CCDC7: variants seen among roughly 807,000 people sequenced by gnomAD.
The protein encoded by CCDC7 is coiled-coil domain-containing protein 7.
A neutral mutation model predicts 196.9 loss-of-function variants in CCDC7; 183 were observed. That is an observed-to-expected ratio of 0.93 (90% CI 0.82 to 1.05). The LOEUF is 1.05. CCDC7 is among the 50% of genes least tolerant of loss of function. The pLI is 0.00. For synonymous variants in CCDC7, 525 were observed against 484.6 expected (o/e 1.08, Z -1.10); for missense variants, 1,540 against 1,482.2 (o/e 1.04, Z -0.64).
intron 18 of CCDC7, among the ~76,000 whole-genome samples, chr10:32,596,898 G>A (rs1226138557): frequency 2.6e-5 from 4 of 152,216 alleles, no homozygotes; most frequent in Non-Finnish European, 5.9e-5. Context: ...GACATCTGCT[G>A]TTAGTCTGAT....
chr10:32,696,413 T>C (rs1162638231), intron 24 of CCDC7, among the ~76,000 whole-genome samples: 1 of 152,030 alleles, frequency 6.6e-6, no homozygotes, highest in Non-Finnish European at 1.5e-5. Context: ...GAACTTTAAC[T>C]TTGATATAGG....
chr10:32,469,628 G>A (rs2037539985), intron 5 of CCDC7, among the ~76,000 whole-genome samples: 1 of 152,198 alleles, frequency 6.6e-6, no homozygotes. Context: ...CCCTAAGGGA[G>A]GCTCTGCACT....
chr10:32,799,809 A>G (rs925029531), intron 29 of CCDC7, among the ~76,000 whole-genome samples: 3 of 152,210 alleles, frequency 2.0e-5, no homozygotes, highest in Non-Finnish European at 4.4e-5. Flanking sequence ...AATATAATGG[A>G]CCAGTGTGAT....
chr10:32,834,716 C>A, intron 32 of CCDC7, 99 bp from the exon 34 acceptor site: 3 of 498,248 alleles, frequency 6.0e-6, no homozygotes, highest in Non-Finnish European at 1.1e-5. Flanking sequence ...TAAGTTATTA[C>A]TATTCATACA....
At chr10:32,805,059 T>C (rs759169194) in exon 30 of CCDC7, 1 of 1,612,334 alleles carries the variant, frequency 6.2e-7, no homozygotes, top group Non-Finnish European at 8.5e-7. Context: ...AAGACGCTTA[T>C]TAAATGATGA....
chr10:32,696,784 T>C (rs1306192197), intron 24 of CCDC7, among the ~76,000 whole-genome samples: 1 of 152,202 alleles, frequency 6.6e-6, no homozygotes, highest in East Asian at 1.9e-4. Context: ...TGACTATTTT[T>C]ATGTTGCTGT....
intron 21 of CCDC7, among the ~76,000 whole-genome samples, chr10:32,669,470 C>T (rs1565058431): frequency 1.3e-5 from 2 of 152,058 alleles, no homozygotes; most frequent in African/African-American, 4.8e-5. Context: ...ATTAATTCTT[C>T]TTAAAACATT....
chr10:32,666,700 T>C (rs1394889006), intron 21 of CCDC7, among the ~76,000 whole-genome samples: 3 of 152,156 alleles, frequency 2.0e-5, no homozygotes, highest in Non-Finnish European at 4.4e-5. Flanking sequence ...ACAAAGGACA[T>C]GAACTCATCC....
chr10:32,702,246 C>A (rs1372202705), intron 24 of CCDC7, among the ~76,000 whole-genome samples: 1 of 152,108 alleles, frequency 6.6e-6, no homozygotes, highest in Non-Finnish European at 1.5e-5. Flanking sequence ...TTTCAAAGAA[C>A]ATCTTTATTT....
intron 24 of CCDC7, among the ~76,000 whole-genome samples, chr10:32,706,022 C>G (rs573134906): frequency 1.3e-5 from 2 of 152,228 alleles, no homozygotes; most frequent in African/African-American, 4.8e-5. Flanking sequence ...ATGTATTCTT[C>G]TCAGCACCAC....
At chr10:32,720,655 A>G (rs2082277888) in intron 25 of CCDC7, among the ~76,000 whole-genome samples, 1 of 152,198 alleles carries the variant, frequency 6.6e-6, no homozygotes, top group Non-Finnish European at 1.5e-5. Flanking sequence ...AACATCCCTT[A>G]GAACTCTCTC....
Position 32,462,888 on chromosome 10 carries a change from C to T in CCDC7, c.478-129C>T, listed in dbSNP as rs146477841. 1.4e-3 allele frequency: 1,932 copies of T among 1,402,042 alleles called. 23 individuals carry two copies. In the African/African-American group the frequency reaches 0.025, roughly 18 times the overall value. The allele number at this position is 1,402,042 out of a possible 1,614,324, so 86.9% of individuals were successfully genotyped here. On this transcript the variant is annotated intron_variant, in intron 4 of 41. Coordinates refer to ENST00000639629, the Ensembl canonical transcript of CCDC7. The stretch of plus-strand genomic sequence containing the variant: ...CCATTCTGAATCCCAAGTGATGTTT[C>T]GGTCAGGGCTGATATTTGATGGATG...
At chr10:32,475,380 G>A (rs1243030198) in intron 8 of CCDC7, among the ~76,000 whole-genome samples, 1 of 152,018 alleles carries the variant, frequency 6.6e-6, no homozygotes, top group African/African-American at 2.4e-5. Context: ...ATGTATTTTT[G>A]TCCAGTATTT....
intron 18 of CCDC7, among the ~76,000 whole-genome samples, chr10:32,625,667 C>CA (rs2063944236): frequency 6.6e-6 from 1 of 151,994 alleles, no homozygotes; most frequent in African/African-American, 2.4e-5. Context: ...CAGTAGATAT[C>CA]AAAAAACCTT....
At chr10:32,508,190 T>C (rs2045516493) in intron 9 of CCDC7, among the ~76,000 whole-genome samples, 1 of 152,182 alleles carries the variant, frequency 6.6e-6, no homozygotes, top group Non-Finnish European at 1.5e-5. Context: ...CTCTTAGAAC[T>C]AATAAATGTA....
At chr10:32,671,358 G>A (rs2074024763) in intron 21 of CCDC7, among the ~76,000 whole-genome samples, 2 of 152,224 alleles carry the variant, frequency 1.3e-5, no homozygotes, top group East Asian at 1.9e-4. Context: ...ATTTAGTATA[G>A]TAACATACTG....
chr10:32,648,686 A>G (rs1351199545), intron 20 of CCDC7, among the ~76,000 whole-genome samples: 1 of 152,166 alleles, frequency 6.6e-6, no homozygotes, highest in East Asian at 1.9e-4. Flanking sequence ...TTATTCTTTG[A>G]CATTTTAATA....
chr10:32,457,299 T>C (rs1311352786), intron 3 of CCDC7, among the ~76,000 whole-genome samples: 1 of 152,150 alleles, frequency 6.6e-6, no homozygotes, highest in Non-Finnish European at 1.5e-5. Flanking sequence ...CTATAGGGCT[T>C]TCCATGTTGC....
intron 9 of CCDC7, among the ~76,000 whole-genome samples, chr10:32,506,101 A>T: frequency 6.9e-6 from 1 of 145,216 alleles, no homozygotes; most frequent in East Asian, 2.1e-4. Flanking sequence ...CTCACTTCCC[A>T]GACAGGGCGG....
Sources: gnomAD v4.1 joint callset for allele counts (sites outside exome capture counted in the v4.1 genomes callset) on GRCh38, gnomAD v4.1.1 for gene constraint, MANE v1.5 for transcripts, NCBI Gene and HGNC (gene_info 2026-07-23, HGNC 2026-07-21) for gene names.